C4orf51: variants seen among roughly 807,000 people sequenced by gnomAD.
C4orf51 encodes chromosome 4 open reading frame 51.
In C4orf51, 25 loss-of-function variants were observed where a neutral mutation model predicts 25.2. That is an observed-to-expected ratio of 0.99 (90% CI 0.72 to 1.39). The LOEUF is 1.39. Ranked by LOEUF, C4orf51 falls within the 40% of genes most tolerant of loss-of-function variation. C4orf51 has a pLI of 0.00. For missense variants in C4orf51, 252 were observed against 239.6 expected, an observed-to-expected ratio of 1.05 and a Z score of -0.34; for synonymous variants, 100 against 84.5, an observed-to-expected ratio of 1.18 and a Z score of -1.01.
At chr4:145,751,673 G>GTTT (rs1733684309) in intron 1 of C4orf51, among the ~76,000 whole-genome samples, 1 of 152,166 alleles carries the variant, frequency 6.6e-6, no homozygotes, top group African/African-American at 2.4e-5. Flanking sequence ...AGGGCCCTAG[G>GTTT]GCTGTACGAT....
chr4:145,703,461 A>C (rs1425838751), intron 2 of C4orf51, among the ~76,000 whole-genome samples: 1 of 152,170 alleles, frequency 6.6e-6, no homozygotes, highest in Non-Finnish European at 1.5e-5. Flanking sequence ...TTTATTGCTC[A>C]CACAAAACCT....
intron 1 of C4orf51, among the ~76,000 whole-genome samples, chr4:145,684,727 T>C (rs1212465492): frequency 2.0e-5 from 3 of 152,106 alleles, no homozygotes; most frequent in Non-Finnish European, 4.4e-5. Flanking sequence ...AATCTCTGTA[T>C]GTTCATCTTA....
chr4:145,717,316 T>G (rs1731473574), intron 2 of C4orf51, among the ~76,000 whole-genome samples: 1 of 152,238 alleles, frequency 6.6e-6, no homozygotes, highest in South Asian at 2.1e-4. Flanking sequence ...AGAAATGGAA[T>G]CAGTGAATAT....
chr4:145,720,835 C>T (rs1398364245), intron 2 of C4orf51, among the ~76,000 whole-genome samples: 2 of 152,188 alleles, frequency 1.3e-5, no homozygotes, highest in Non-Finnish European at 2.9e-5. Context: ...CACCTAATCA[C>T]TGCTCTCACC....
downstream of C4orf51, among the ~76,000 whole-genome samples, chr4:145,772,006 C>G (rs1320214625): frequency 6.6e-6 from 1 of 152,192 alleles, no homozygotes; most frequent in African/African-American, 2.4e-5. Context: ...ATTCACAATA[C>G]TACTTATGGT....
intron 1 of C4orf51, among the ~76,000 whole-genome samples, chr4:145,745,489 C>A (rs1560864534): frequency 2.0e-5 from 3 of 152,062 alleles, no homozygotes; most frequent in Admixed American, 1.3e-4. Flanking sequence ...TTGTCTATGT[C>A]CAGCTTATTT....
Position 145,745,319 on chromosome 4 carries a change from C to CTTT in C4orf51, n.168-8888_168-8887insTTT, listed in dbSNP as rs1560864379. ...TATCAAATACTAGGTCTTATTCATT[C>CTTT]ATTTTTTTTTTTTTTTTTGGTACCC... On this transcript the variant is annotated intron_variant and non_coding_transcript_variant, in intron 1 of 1. Coordinates refer to the C4orf51 transcript ENST00000508981. Among the ~76,000 whole-genome samples, 6 of 39,598 alleles carry CTTT rather than the reference C, an allele frequency of 1.5e-4. No individual in the cohort carries two copies. The East Asian group carries it at 5.7e-3, about 38-fold the overall frequency. 26.0% of individuals were successfully genotyped at this position (39,598 alleles called of 152,430 possible).
Position 145,726,977 on chromosome 4 carries a change from C to T in C4orf51, c.366+8C>T. ...GATGTCAAGCATGGAGTGGTAAGCC[C>T]AACATTTCTCAGCAATCTCTTACCT... On this transcript the variant is annotated splice_region_variant and intron_variant, in intron 3 of 5. Transcript: ENST00000438731. The T allele has an allele frequency of 6.2e-7, 1 of 1,607,292 alleles. No homozygotes were observed. The highest frequency in any genetic ancestry group is 8.5e-7 in the Non-Finnish European group (1 of 1,174,084).
intron 1 of C4orf51, among the ~76,000 whole-genome samples, chr4:145,682,495 TA>T (rs1162363513): frequency 6.6e-6 from 1 of 152,186 alleles, no homozygotes; most frequent in African/African-American, 2.4e-5. Context: ...CAAGGAGAAT[TA>T]CTGGGACAAA....
chr4:145,791,006 G>A, the C4orf51 span, among the ~76,000 whole-genome samples: 2 of 152,192 alleles, frequency 1.3e-5, no homozygotes, highest in Admixed American at 6.5e-5. Context: ...TTTATATGAT[G>A]GGAGTTTCTG....
At chr4:145,694,860 C>T (rs558802781) in intron 1 of C4orf51, among the ~76,000 whole-genome samples, 2 of 152,204 alleles carry the variant, frequency 1.3e-5, no homozygotes, top group Admixed American at 1.3e-4. Flanking sequence ...TCATAAATCC[C>T]TTTGAAATAA....
intron 2 of C4orf51, among the ~76,000 whole-genome samples, chr4:145,724,334 A>T (rs1172213610): frequency 6.6e-6 from 1 of 152,156 alleles, no homozygotes; most frequent in Non-Finnish European, 1.5e-5. Flanking sequence ...GCTATGAAAA[A>T]GTGGGTTTTT....
the C4orf51 span, among the ~76,000 whole-genome samples, chr4:145,780,339 A>G: frequency 2.0e-5 from 3 of 152,230 alleles, no homozygotes; most frequent in Non-Finnish European, 2.9e-5. Flanking sequence ...AGTTTGTGCA[A>G]AATCCTTAAT....
At chr4:145,781,906 A>C in the C4orf51 span, among the ~76,000 whole-genome samples, 2 of 152,264 alleles carry the variant, frequency 1.3e-5, no homozygotes, top group Non-Finnish European at 2.9e-5. Flanking sequence ...GCAATTAAAA[A>C]TAGATAAGCA....
intron 1 of C4orf51, among the ~76,000 whole-genome samples, chr4:145,751,466 C>T (rs1039052211): frequency 2.0e-5 from 3 of 152,192 alleles, no homozygotes; most frequent in South Asian, 4.1e-4. Context: ...CTTTTGTCTT[C>T]TTCCCTTACT....
the C4orf51 span, among the ~76,000 whole-genome samples, chr4:145,778,265 C>G: frequency 3.9e-5 from 6 of 152,072 alleles, no homozygotes; most frequent in Non-Finnish European, 5.9e-5. Context: ...TCCTGAGTAG[C>G]TGGGATTACA....
At chr4:145,764,830 A>G (rs1182337499) in intron 1 of C4orf51, 4 of 943,528 alleles carry the variant, frequency 4.2e-6, no homozygotes, top group South Asian at 1.4e-5. Flanking sequence ...GTCTAATTCA[A>G]TCCAGCTAAA....
At chr4:145,757,831 A>G (rs1344466260), downstream of C4orf51, 2 of 152,202 alleles carry the variant, frequency 1.3e-5, no homozygotes, top group Non-Finnish European at 2.9e-5. Flanking sequence ...TCATCTGAAC[A>G]TAATATGAAG....
Position 145,732,619 on chromosome 4 carries a change from G to A in C4orf51, c.*59G>A. 1.7e-6 allele frequency: 2 copies of A among 1,207,232 alleles called. No homozygotes were observed. The highest frequency in any genetic ancestry group is 2.7e-4 in the Middle Eastern group (1 of 3,728). 74.8% of individuals were successfully genotyped at this position (1,207,232 alleles called of 1,614,324 possible). A position where few individuals can be genotyped will look rare whatever the true frequency, so the allele number is the denominator to read the frequency against. On this transcript the variant is annotated 3_prime_UTR_variant, in exon 6 of 6. Transcript: ENST00000438731. Reference sequence around the variant, plus strand: ...GAGTTTGCTTAATAAACAACTTTGAGGTATGGGGCCCTCCCAACACCCTCC... The same window carrying A: ...GAGTTTGCTTAATAAACAACTTTGAAGTATGGGGCCCTCCCAACACCCTCC...
Sources: gnomAD v4.1 joint callset for allele counts (sites outside exome capture counted in the v4.1 genomes callset) on GRCh38, gnomAD v4.1.1 for gene constraint, MANE v1.5 for transcripts, NCBI Gene and HGNC (gene_info 2026-07-23, HGNC 2026-07-21) for gene names.